The following GALNTL6 variants were observed in gnomAD, a reference collection of about 807,000 sequenced individuals.
GALNTL6 encodes polypeptide N-acetylgalactosaminyltransferase like 6, also known as polypeptide N-acetylgalactosaminyltransferase-like 6.
Under a neutral mutation model 73.7 loss-of-function variants are expected in GALNTL6, and 46 were observed. That is an observed-to-expected ratio of 0.62 (90% CI 0.49 to 0.80). The LOEUF (loss-of-function observed/expected upper bound fraction) is 0.80, where lower values mean the gene tolerates loss of function less well. Among genes scored for constraint, GALNTL6 ranks in the 30% least tolerant of loss-of-function variants. The pLI is 0.00. For missense variants in GALNTL6, 604 were observed against 755.0 expected (o/e 0.80, Z 2.34); for synonymous variants, 259 against 263.7 (o/e 0.98, Z 0.17).
At chr4:171,836,160 A>G (rs1288163568) in intron 2 of GALNTL6, among the ~76,000 whole-genome samples, 2 of 152,070 alleles carry the variant, frequency 1.3e-5, no homozygotes, top group Non-Finnish European at 2.9e-5. Flanking sequence ...TTAATTTGAT[A>G]TCAGACCCTC....
At chr4:172,647,779 T>G (rs1000150612) in intron 5 of GALNTL6, among the ~76,000 whole-genome samples, 4 of 152,150 alleles carry the variant, frequency 2.6e-5, no homozygotes, top group Non-Finnish European at 5.9e-5. Flanking sequence ...TTTTTATAAT[T>G]AATTTTTTTC....
intron 2 of GALNTL6, among the ~76,000 whole-genome samples, chr4:172,009,440 T>G (rs536938558): frequency 1.3e-5 from 2 of 152,252 alleles, no homozygotes; most frequent in African/African-American, 4.8e-5. Context: ...TGCCTGTCCC[T>G]GGCATTTAAC....
intron 8 of GALNTL6, among the ~76,000 whole-genome samples, chr4:172,913,085 G>C (rs1221742310): frequency 1.3e-5 from 2 of 152,198 alleles, no homozygotes; most frequent in Non-Finnish European, 2.9e-5. Context: ...ACCTCCGCTG[G>C]TGATACCCAG....
At chr4:172,677,856 A>C (rs1350155823) in intron 5 of GALNTL6, among the ~76,000 whole-genome samples, 1 of 150,072 alleles carries the variant, frequency 6.7e-6, no homozygotes, top group Non-Finnish European at 1.5e-5. Flanking sequence ...AGAGGAAATT[A>C]ATAGGGTTTT....
At chr4:171,931,424 T>A (rs944362631) in intron 2 of GALNTL6, among the ~76,000 whole-genome samples, 5 of 152,284 alleles carry the variant, frequency 3.3e-5, no homozygotes, top group South Asian at 2.1e-4. Flanking sequence ...TAGAAAAGTA[T>A]CCCAGGACAT....
At chr4:172,371,387 C>T (rs1000433885) in intron 5 of GALNTL6, among the ~76,000 whole-genome samples, 2 of 152,146 alleles carry the variant, frequency 1.3e-5, no homozygotes, top group African/African-American at 4.8e-5. Flanking sequence ...CGGGCTATGC[C>T]CTTGTTTACA....
At chr4:172,016,545 A>G (rs1183115752) in intron 2 of GALNTL6, among the ~76,000 whole-genome samples, 1 of 151,966 alleles carries the variant, frequency 6.6e-6, no homozygotes, top group African/African-American at 2.4e-5. Context: ...TTACTAATCA[A>G]TAACCTTCTG....
chr4:172,294,197 T>C (rs375965653), intron 3 of GALNTL6, among the ~76,000 whole-genome samples: 2 of 152,216 alleles, frequency 1.3e-5, no homozygotes, highest in East Asian at 3.9e-4. Flanking sequence ...TTTTCTAATC[T>C]TTTTTATTTT....
intron 2 of GALNTL6, among the ~76,000 whole-genome samples, chr4:172,185,814 A>G (rs1387826751): frequency 6.6e-6 from 1 of 152,224 alleles, no homozygotes; most frequent in Admixed American, 6.5e-5. Context: ...GACACTTGAC[A>G]TATAAATTTA....
At chr4:172,390,941 G>A (rs966202680) in intron 5 of GALNTL6, among the ~76,000 whole-genome samples, 3 of 151,616 alleles carry the variant, frequency 2.0e-5, no homozygotes, top group Admixed American at 1.3e-4. Flanking sequence ...GCACTCTTAT[G>A]AAAAAAAATA....
intron 5 of GALNTL6, among the ~76,000 whole-genome samples, chr4:172,555,177 T>A (rs1042656433): frequency 2.0e-5 from 3 of 152,174 alleles, no homozygotes; most frequent in Non-Finnish European, 4.4e-5. Context: ...CATCAATTTT[T>A]AAAAATCTAT....
intron 5 of GALNTL6, among the ~76,000 whole-genome samples, chr4:172,370,977 T>G (rs1036478357): frequency 1.3e-5 from 2 of 152,188 alleles, no homozygotes; most frequent in Non-Finnish European, 2.9e-5. Context: ...TTGAAAACCT[T>G]GTAAGTTTGG....
intron 5 of GALNTL6, among the ~76,000 whole-genome samples, chr4:172,378,294 G>A (rs939621469): frequency 1.3e-5 from 2 of 152,124 alleles, no homozygotes; most frequent in Non-Finnish European, 2.9e-5. Context: ...CTTGAAAGCA[G>A]GGAAGCCGAT....
At chr4:171,982,064 G>A (rs898945116) in intron 2 of GALNTL6, among the ~76,000 whole-genome samples, 2 of 152,022 alleles carry the variant, frequency 1.3e-5, no homozygotes, top group Non-Finnish European at 2.9e-5. Flanking sequence ...ATTTCTCACT[G>A]CTTTATATGC....
intron 10 of GALNTL6, among the ~76,000 whole-genome samples, chr4:172,968,080 A>G (rs995424837): frequency 2.6e-5 from 4 of 152,240 alleles, no homozygotes; most frequent in Non-Finnish European, 4.4e-5. Context: ...AGAAAGAAAC[A>G]AACAACATGG....
chr4:172,306,100 A>T (rs966217164), intron 3 of GALNTL6, among the ~76,000 whole-genome samples: 1 of 152,076 alleles, frequency 6.6e-6, no homozygotes. Flanking sequence ...GAAAATAAAA[A>T]TATGTTGGCC....
At chr4:172,063,974 C>G (rs995939642) in intron 2 of GALNTL6, among the ~76,000 whole-genome samples, 1 of 152,212 alleles carries the variant, frequency 6.6e-6, no homozygotes, top group East Asian at 1.9e-4. Context: ...AATGAGTGGC[C>G]CACTATCCAA....
rs1753869239 is a variant in GALNTL6, at chr4:173,040,878, C to G, written c.*778C>G. ...CAAAAATCTATGCTATCAAGTTACTCCAAAGAAAGATTTCACAGAAGCAGC... is the reference window on the plus strand; with the variant it reads ...CAAAAATCTATGCTATCAAGTTACTGCAAAGAAAGATTTCACAGAAGCAGC... On this transcript the variant is annotated 3_prime_UTR_variant, in exon 13 of 13. Coordinates refer to ENST00000506823, the MANE Select transcript of GALNTL6 (RefSeq NM_001034845.3). The G allele has an allele frequency of 6.6e-6, 1 of 152,428 alleles. No individual in the cohort carries two copies. Among genetic ancestry groups the G allele is most frequent in the Non-Finnish European group, 1.5e-5 (1 of 68,000 alleles). 9.4% of individuals were successfully genotyped at this position (152,428 alleles called of 1,614,324 possible). A position where few individuals can be genotyped will look rare whatever the true frequency, so the allele number is the denominator to read the frequency against.
At chr4:172,011,691 T>C (rs1021827831) in intron 2 of GALNTL6, among the ~76,000 whole-genome samples, 1 of 152,068 alleles carries the variant, frequency 6.6e-6, no homozygotes, top group Non-Finnish European at 1.5e-5. Flanking sequence ...TATAACATAT[T>C]GTATCTTATA....
Sources: allele counts gnomAD v4.1 joint callset (sites outside exome capture counted in the v4.1 genomes callset), GRCh38; gene constraint gnomAD v4.1.1; transcripts MANE v1.5; gene names NCBI Gene and HGNC (gene_info 2026-07-23, HGNC 2026-07-21).